The following KAT6A variants were observed in gnomAD, a reference collection of about 807,000 sequenced individuals.
KAT6A encodes histone acetyltransferase KAT6A.
KAT6A carries 9 observed loss-of-function variants against 198.4 expected under a neutral mutation model. That is an observed-to-expected ratio of 0.05 (90% CI 0.03 to 0.08). The LOEUF (loss-of-function observed/expected upper bound fraction) is 0.08, where lower values mean the gene tolerates loss of function less well. Ranked by LOEUF, KAT6A falls within the 10% of genes least tolerant of loss-of-function variation. The probability of loss-of-function intolerance (pLI) is 1.00; values close to 1 mark genes in which losing one functional copy is unlikely to be tolerated. For missense variants in KAT6A, 2,077 were observed against 2,509.9 expected, an observed-to-expected ratio of 0.83 and a Z score of 3.69; for synonymous variants, 890 against 883.0, an observed-to-expected ratio of 1.01 and a Z score of -0.14.
rs1445487849 is a variant in KAT6A, at chr8:41,932,728, T to C, written c.5492A>G (p.Asn1831Ser). The C allele has an allele frequency of 5.6e-6, 9 of 1,614,242 alleles. No homozygotes were observed. The highest frequency in any genetic ancestry group is 1.3e-5 in the African/African-American group (1 of 75,066). The change falls in exon 17 of 17, where the codon AAC becomes AGC. Residue 1831 changes from asparagine to serine, a missense_variant. Physicochemically the swap from Asn to Ser is conservative, Grantham distance 46. Around this residue, in one of 13 missense-constraint regions of KAT6A, gnomAD observed 500 missense variants for 577.2 expected, o/e 0.87. Transcript: ENST00000265713. ...MNLTSPLLQCNMSATNIGIPH... is the reference protein window; with the variant it reads ...MNLTSPLLQCSMSATNIGIPH... Reference sequence around the variant, plus strand: ...AATGCCAATGTTGGTGGCAGACATGTTGCACTGAAGCAGAGGAGATGTGAG... The same window carrying C: ...AATGCCAATGTTGGTGGCAGACATGCTGCACTGAAGCAGAGGAGATGTGAG...
intron 6 of KAT6A, 78 bp from the exon 7 acceptor site, chr8:41,977,405 T>C: frequency 2.2e-6 from 2 of 894,346 alleles, no homozygotes; most frequent in Non-Finnish European, 3.4e-6. Flanking sequence ...TAACATATAA[T>C]TAGTAAGTAA....
chr8:41,967,274 A>ATTTTATTTATTT lies in KAT6A; in HGVS notation c.1482+7429_1482+7430insAAATAAATAAAA, dbSNP rs1554686629. Among the ~76,000 whole-genome samples, 19 of 142,846 alleles carry ATTTTATTTATTT rather than the reference A, an allele frequency of 1.3e-4. No homozygotes were observed. The East Asian group carries it at 2.4e-3, about 18-fold the overall frequency. 93.7% of individuals were successfully genotyped at this position (142,846 alleles called of 152,430 possible). ...GCGTCTTTCTTTTTTTAAAAAAAAA[A>ATTTTATTTATTT]ATTTATTTATTTATTTATTTATTTA... On this transcript the variant is annotated intron_variant, in intron 8 of 16. Transcript: ENST00000265713.
intron 2 of KAT6A, among the ~76,000 whole-genome samples, chr8:42,036,345 T>G (rs969791335): frequency 6.6e-6 from 1 of 152,096 alleles, no homozygotes; most frequent in Non-Finnish European, 1.5e-5. Flanking sequence ...GCACGATGGC[T>G]CATGCCTGTA....
In KAT6A at chr8:41,978,850, G is replaced by GTTA; in HGVS notation, c.908-74_908-73insTAA. On this transcript the variant is annotated intron_variant, in intron 5 of 16. Transcript: ENST00000265713. ...ACTGAAAGGTTTCAGATAGTCTTAA[G>GTTA]TCAGGATCTTAACTTTTTCAGGTAA... The GTTA allele has an allele frequency of 2.8e-6, 4 of 1,407,466 alleles. No individual in the cohort carries two copies. In the Admixed American group the frequency reaches 6.0e-5, roughly 21 times the overall value. The allele number at this position is 1,407,466 out of a possible 1,614,324, so 87.2% of individuals were successfully genotyped here. A position where few individuals can be genotyped will look rare whatever the true frequency, so the allele number is the denominator to read the frequency against.
In KAT6A at chr8:41,974,623, T is replaced by C; in HGVS notation, c.1482+81A>G. ...AGATTAGGCAAACTGCTGTTACTGC[T>C]TAACCCACAATGTAATTAATCTGCT... On this transcript the variant is annotated intron_variant, in intron 8 of 16. Transcript: ENST00000265713. 3.6e-6 allele frequency: 3 copies of C among 835,284 alleles called. No homozygotes were observed. The Admixed American group carries it at 6.2e-5, about 17-fold the overall frequency. 51.7% of individuals were successfully genotyped at this position (835,284 alleles called of 1,614,324 possible). A position where few individuals can be genotyped will look rare whatever the true frequency, so the allele number is the denominator to read the frequency against.
At chr8:41,952,751 T>G (rs573954842) in intron 9 of KAT6A, among the ~76,000 whole-genome samples, 1 of 152,178 alleles carries the variant, frequency 6.6e-6, no homozygotes, top group Admixed American at 6.5e-5. Flanking sequence ...GAATAGAGGT[T>G]TATTATTTGG....
chr8:42,036,099 CAAT>C (rs1178994023), intron 2 of KAT6A, among the ~76,000 whole-genome samples: 1 of 151,964 alleles, frequency 6.6e-6, no homozygotes, highest in Non-Finnish European at 1.5e-5. Context: ...GGTATAAACT[CAAT>C]GAGCTCAATT....
intron 8 of KAT6A, among the ~76,000 whole-genome samples, chr8:41,964,168 T>C (rs940194829): frequency 2.6e-5 from 4 of 152,168 alleles, no homozygotes; most frequent in African/African-American, 4.8e-5. Flanking sequence ...GGTTCAAATA[T>C]TGACTCTGAA....
intron 2 of KAT6A, among the ~76,000 whole-genome samples, chr8:42,007,073 C>G (rs1326689692): frequency 1.3e-5 from 2 of 151,750 alleles, no homozygotes; most frequent in Admixed American, 1.3e-4. Flanking sequence ...TACTGTATCT[C>G]CAAAACTATC....
At chr8:41,966,717 T>C (rs911183877) in intron 8 of KAT6A, among the ~76,000 whole-genome samples, 4 of 152,158 alleles carry the variant, frequency 2.6e-5, no homozygotes, top group African/African-American at 7.2e-5. Flanking sequence ...CTATGTTTCA[T>C]TGGTACTCTA....
intron 2 of KAT6A, among the ~76,000 whole-genome samples, chr8:42,033,486 CAATT>C (rs1827227978): frequency 6.6e-6 from 1 of 152,098 alleles, no homozygotes; most frequent in Non-Finnish European, 1.5e-5. Flanking sequence ...AATTCATATC[CAATT>C]AAACAGTTAC....
chr8:42,047,124 T>C (rs551548927), intron 2 of KAT6A, among the ~76,000 whole-genome samples: 1 of 152,310 alleles, frequency 6.6e-6, no homozygotes, highest in East Asian at 1.9e-4. Flanking sequence ...TCCATCATCT[T>C]AAGCAAAATG....
chr8:41,957,715 T>C (rs957089409), intron 8 of KAT6A: 1 of 160,990 alleles, frequency 6.2e-6, no homozygotes, highest in African/African-American at 2.4e-5. Context: ...ACACTAATAA[T>C]TGGGCTAAAC....
chr8:41,957,297 C>A, intron 8 of KAT6A: 1 of 563,328 alleles, frequency 1.8e-6, no homozygotes, highest in East Asian at 4.1e-5. Context: ...ACTCCCAGCT[C>A]CCCTGAGCAA....
chr8:42,047,948 TCA>T (rs1040869569), intron 2 of KAT6A, among the ~76,000 whole-genome samples: 9 of 151,974 alleles, frequency 5.9e-5, no homozygotes, highest in African/African-American at 1.5e-4. Flanking sequence ...AAAAATGTTC[TCA>T]GAGTCATCTG....
In KAT6A at chr8:41,934,676, C is replaced by T. The variant is rs1467109186; in HGVS notation, c.3544G>A (p.Val1182Ile). Residue 1182 changes from valine (V) to isoleucine (I), a missense_variant, in exon 17 of 17, where the codon GTT becomes ATT. Physicochemically the swap from Val to Ile is conservative, Grantham distance 29. Coordinates refer to ENST00000265713, the MANE Select transcript of KAT6A (RefSeq NM_006766.5). ...TCAATGACGCATGCTTGAGTAGAAA[C>T]TGGCATGATTTCCCGACTCAACTTA... ...GFKLSREIMPVSTQACVIEPI... is the reference protein window; with the variant it reads ...GFKLSREIMPISTQACVIEPI... 6.2e-7 allele frequency: 1 copy of T among 1,614,148 alleles called. No individual in the cohort carries two copies. Among genetic ancestry groups the T allele is most frequent in the South Asian group, 1.1e-5 (1 of 91,080 alleles).
In KAT6A at chr8:42,006,745, C is replaced by T. The variant is rs138704463; in HGVS notation, c.601-19182G>A. On this transcript the variant is annotated intron_variant, in intron 2 of 16. Coordinates refer to ENST00000265713, the MANE Select transcript of KAT6A (RefSeq NM_006766.5). ...GGGCACAGTGTCATGCCTGTAATCCCAGCACTTTAGGAGGCCGAGGTGGGC... is the reference window on the plus strand; with the variant it reads ...GGGCACAGTGTCATGCCTGTAATCCTAGCACTTTAGGAGGCCGAGGTGGGC... 7.6e-4 allele frequency among the ~76,000 whole-genome samples: 115 copies of T among 152,216 alleles called. 2 individuals carry two copies. The highest frequency in any genetic ancestry group is 4.4e-5 in the Non-Finnish European group (3 of 68,022).
chr8:41,971,250 C>A (rs1203538280), intron 8 of KAT6A, among the ~76,000 whole-genome samples: 3 of 151,214 alleles, frequency 2.0e-5, no homozygotes, highest in Admixed American at 6.6e-5. Context: ...AAAAGAAAGG[C>A]CTCGTTCTCA....
chr8:41,929,686 G>C lies in KAT6A; in HGVS notation c.*2519C>G, dbSNP rs1017861485. 3 of 194,410 alleles carry C rather than the reference G, an allele frequency of 1.5e-5. No homozygotes were observed. Among genetic ancestry groups the C allele is most frequent in the African/African-American group, 7.0e-5 (3 of 43,162 alleles). 12.0% of individuals were successfully genotyped at this position (194,410 alleles called of 1,614,324 possible). A position where few individuals can be genotyped will look rare whatever the true frequency, so the allele number is the denominator to read the frequency against. ...CAAGTCACCATGAACAAAGTACAAA[G>C]AGGTTACAAAACAGGAAAAGCAAAT... On this transcript the variant is annotated 3_prime_UTR_variant, in exon 17 of 17. Transcript: ENST00000265713.
Sources: allele counts gnomAD v4.1 joint callset (sites outside exome capture counted in the v4.1 genomes callset), GRCh38; gene constraint gnomAD v4.1.1; regional missense constraint gnomAD v4.1.1; transcripts MANE v1.5; gene names NCBI Gene and HGNC (gene_info 2026-07-23, HGNC 2026-07-21).